PDE1A: variants seen among roughly 807,000 people sequenced by gnomAD.
PDE1A encodes the protein phosphodiesterase 1A, also known as dual specificity calcium/calmodulin-dependent 3',5'-cyclic nucleotide phosphodiesterase 1A.
A neutral mutation model predicts 61.7 loss-of-function variants in PDE1A; 35 were observed. The ratio of observed to expected loss-of-function variants is 0.57; its 90% CI spans 0.43 to 0.75. PDE1A has a LOEUF of 0.75. PDE1A is among the 30% of genes least tolerant of loss of function. PDE1A has a pLI of 0.00. For missense variants in PDE1A, 597 were observed against 630.6 expected (o/e 0.95, Z 0.57); for synonymous variants, 232 against 213.2 (o/e 1.09, Z -0.77).
the PDE1A span, among the ~76,000 whole-genome samples, chr2:182,621,182 G>T: frequency 6.6e-6 from 1 of 151,930 alleles, no homozygotes; most frequent in Admixed American, 6.6e-5. Flanking sequence ...TTCTATCTTG[G>T]GTTCTACAAA....
the PDE1A span, among the ~76,000 whole-genome samples, chr2:182,587,251 G>A: frequency 6.6e-6 from 1 of 152,100 alleles, no homozygotes; most frequent in East Asian, 1.9e-4. Context: ...CTATGACCTT[G>A]CTCCTCAGGA....
At chr2:182,697,646 T>C in the PDE1A span, among the ~76,000 whole-genome samples, 6 of 152,370 alleles carry the variant, frequency 3.9e-5, no homozygotes, top group South Asian at 1.2e-3. Context: ...TGAGTACCTG[T>C]GTTTTTAATT....
At chr2:182,242,024 G>A (rs905214675) in intron 2 of PDE1A, 4 of 1,383,452 alleles carry the variant, frequency 2.9e-6, no homozygotes. Flanking sequence ...GCAGTGATCA[G>A]ATACAGTGTA....
chr2:182,665,879 T>C, the PDE1A span, among the ~76,000 whole-genome samples: 1 of 152,110 alleles, frequency 6.6e-6, no homozygotes, highest in African/African-American at 2.4e-5. Context: ...TAGAATACTA[T>C]GCAGCCATAA....
chr2:182,363,443 G>GT (rs1362115575), intron 1 of PDE1A, among the ~76,000 whole-genome samples: 1 of 151,926 alleles, frequency 6.6e-6, no homozygotes, highest in Non-Finnish European at 1.5e-5. Context: ...GAGACATAGA[G>GT]TTGATCCAGG....
chr2:182,156,831 T>C (rs1254633048), intron 13 of PDE1A, among the ~76,000 whole-genome samples: 1 of 152,036 alleles, frequency 6.6e-6, no homozygotes, highest in Non-Finnish European at 1.5e-5. Flanking sequence ...GGAGAAATAA[T>C]AGACATTGGG....
intron 2 of PDE1A, among the ~76,000 whole-genome samples, chr2:182,251,825 T>A (rs771333718): frequency 1.1e-4 from 16 of 152,198 alleles, no homozygotes; most frequent in Non-Finnish European, 2.2e-4. Context: ...AATTAATGAA[T>A]CTTTTATAAT....
chr2:182,238,104 T>G (rs1418509531), intron 3 of PDE1A, among the ~76,000 whole-genome samples: 1 of 151,444 alleles, frequency 6.6e-6, no homozygotes, highest in East Asian at 1.9e-4. Context: ...CCGTCTCTAC[T>G]AAAAATGCAA....
At chr2:182,691,374 C>G in the PDE1A span, among the ~76,000 whole-genome samples, 3 of 152,218 alleles carry the variant, frequency 2.0e-5, no homozygotes, top group Admixed American at 6.5e-5. Context: ...GAAATAATAC[C>G]ACACATCTAC....
intron 13 of PDE1A, among the ~76,000 whole-genome samples, chr2:182,148,914 CT>C (rs889184051): frequency 2.2e-4 from 33 of 149,462 alleles, no homozygotes; most frequent in Admixed American, 5.3e-4. Flanking sequence ...CTTCATAAAT[CT>C]TTTTTTTTTC....
In PDE1A at chr2:182,522,487, A is replaced by G. The variant is rs76138467; in HGVS notation, c.-10-101T>C. On this transcript the variant is annotated intron_variant, in intron 1 of 14. Transcript: ENST00000410103. Reference sequence around the variant, plus strand: ...TATACAGTAGCCTCTCTTATCTATCAAAACAGTGCTGATGTACAAAGCTGA... The same window carrying G: ...TATACAGTAGCCTCTCTTATCTATCGAAACAGTGCTGATGTACAAAGCTGA... 2,701 of 1,545,182 alleles carry G rather than the reference A, an allele frequency of 1.7e-3. 4 individuals are homozygous for G. The highest frequency in any genetic ancestry group is 2.2e-3 in the Non-Finnish European group (2,543 of 1,146,132).
chr2:182,220,222 C>G (rs1194160908), intron 7 of PDE1A, among the ~76,000 whole-genome samples: 2 of 151,886 alleles, frequency 1.3e-5, no homozygotes, highest in African/African-American at 4.8e-5. Context: ...TATGAACTAG[C>G]AAAGCACATG....
At chr2:182,421,483 T>C (rs1000096053) in intron 1 of PDE1A, among the ~76,000 whole-genome samples, 2 of 152,214 alleles carry the variant, frequency 1.3e-5, no homozygotes, top group Non-Finnish European at 2.9e-5. Flanking sequence ...AAGTTTTCTA[T>C]GAATTTTCCC....
intron 1 of PDE1A, among the ~76,000 whole-genome samples, chr2:182,277,313 C>A (rs1693491547): frequency 1.3e-5 from 2 of 152,100 alleles, no homozygotes; most frequent in African/African-American, 4.8e-5. Context: ...TCTTTGTACT[C>A]TTTCTCTTCA....
At chr2:182,411,901 T>TA (rs1247963038) in intron 1 of PDE1A, among the ~76,000 whole-genome samples, 1 of 151,824 alleles carries the variant, frequency 6.6e-6, no homozygotes, top group African/African-American at 2.4e-5. Context: ...CTACTAAAAA[T>TA]ACAAAAATTA....
the PDE1A span, among the ~76,000 whole-genome samples, chr2:182,621,669 A>T: frequency 6.6e-6 from 1 of 152,168 alleles, no homozygotes; most frequent in Non-Finnish European, 1.5e-5. Context: ...TGGTTTCCAA[A>T]AGAAATTTTT....
At chr2:182,432,423 C>CTGTTGTTGT (rs10649015) in intron 2 of PDE1A, among the ~76,000 whole-genome samples, 27 of 150,934 alleles carry the variant, frequency 1.8e-4, no homozygotes, top group Admixed American at 3.3e-4. Flanking sequence ...TTGAGCTTTG[C>CTGTTGTTGT]TGTTGTTGTT....
the PDE1A span, among the ~76,000 whole-genome samples, chr2:182,609,286 A>G: frequency 6.6e-6 from 1 of 152,190 alleles, no homozygotes; most frequent in Admixed American, 6.5e-5. Flanking sequence ...AAACAGACCA[A>G]TCGGCTCTCT....
the PDE1A span, among the ~76,000 whole-genome samples, chr2:182,662,341 G>GAAAAAAAAAAA: frequency 7.2e-6 from 1 of 137,988 alleles, no homozygotes; most frequent in African/African-American, 2.8e-5. Flanking sequence ...AAAAAAAAAA[G>GAAAAAAAAAAA]AAAAAAAAAA....
Sources: gnomAD v4.1 joint callset for allele counts (sites outside exome capture counted in the v4.1 genomes callset) on GRCh38, gnomAD v4.1.1 for gene constraint, MANE v1.5 for transcripts, NCBI Gene and HGNC (gene_info 2026-07-23, HGNC 2026-07-21) for gene names.